The following MYCBPAP variants were observed in gnomAD, a reference collection of about 807,000 sequenced individuals.
The protein encoded by MYCBPAP is MYCBP associated protein.
A neutral mutation model predicts 106.1 loss-of-function variants in MYCBPAP; 60 were observed. The ratio of observed to expected loss-of-function variants is 0.57; its 90% CI spans 0.46 to 0.70. MYCBPAP has a LOEUF of 0.70. Among genes scored for constraint, MYCBPAP ranks in the 30% least tolerant of loss-of-function variants. The pLI is 0.00. For missense variants in MYCBPAP, 1,064 were observed against 1,169.3 expected, an observed-to-expected ratio of 0.91 and a Z score of 1.31; for synonymous variants, 407 against 440.6, an observed-to-expected ratio of 0.92 and a Z score of 0.95.
At chr17:50,528,087 C>G in intron 15 of MYCBPAP, 68 bp from the exon 16 acceptor site, 1 of 1,375,912 alleles carries the variant, frequency 7.3e-7, no homozygotes, top group Non-Finnish European at 1.0e-6. Flanking sequence ...AGGGAGGGAC[C>G]CAAGCCTCTG....
At chr17:50,528,049 C>T in intron 15 of MYCBPAP, 106 bp from the exon 16 acceptor site, 1 of 886,896 alleles carries the variant, frequency 1.1e-6, no homozygotes, top group South Asian at 1.6e-5. Context: ...GGCATTTCCA[C>T]AGCAGCTCGT....
rs774598572 is a variant in MYCBPAP, at chr17:50,516,717, T to G, written c.204+20T>G. 6.2e-7 allele frequency: 1 copy of G among 1,613,130 alleles called. No homozygotes were observed. On this transcript the variant is annotated intron_variant, in intron 2 of 18. Coordinates refer to ENST00000323776, the MANE Select transcript of MYCBPAP (RefSeq NM_032133.6). ...AAGGAGGTGAGGATGAAGCCCAAGC[T>G]TCCCTTACCATAGAAACGTTTCCCT...
intron 16 of MYCBPAP, 39 bp downstream of exon 16, chr17:50,528,309 C>G: frequency 6.8e-7 from 1 of 1,475,680 alleles, no homozygotes; most frequent in Non-Finnish European, 9.4e-7. Flanking sequence ...CTGCATAGCC[C>G]TCCTCATCTC....
chr17:50,527,262 A>G, intron 14 of MYCBPAP, 25 bp from the exon 15 acceptor site: 1 of 1,613,480 alleles, frequency 6.2e-7, no homozygotes. Context: ...GTCCTGGTGC[A>G]GAATGGTGCC....
intron 6 of MYCBPAP, 48 bp downstream of exon 6, chr17:50,519,137 G>A (rs760453220): frequency 1.0e-5 from 13 of 1,252,852 alleles, no homozygotes; most frequent in African/African-American, 1.6e-5. Flanking sequence ...GTCCATGGAG[G>A]AGGGGGCGGG....
chr17:50,510,878 G>T (rs2033821774), intron 1 of MYCBPAP, among the ~76,000 whole-genome samples: 1 of 151,802 alleles, frequency 6.6e-6, no homozygotes, highest in Non-Finnish European at 1.5e-5. Context: ...TTTCACAAGG[G>T]CAGTCAAGGG....
Position 50,531,346 on chromosome 17 carries a change from C to G in MYCBPAP, c.2744C>G (p.Thr915Ser). 6.2e-7 allele frequency: 1 copy of G among 1,613,080 alleles called. No individual in the cohort carries two copies. Among genetic ancestry groups the G allele is most frequent in the Non-Finnish European group, 8.5e-7 (1 of 1,179,684 alleles). Residue 915 changes from threonine (T) to serine (S), a missense_variant, in exon 19 of 19, where the codon ACC (threonine) becomes AGC (serine). Transcript: ENST00000323776. ...TTCCAGGTCCGTGGGCTGCTGGACACCCTGGTGACTGACCTGATGGTCCTG... is the reference window on the plus strand; with the variant it reads ...TTCCAGGTCCGTGGGCTGCTGGACAGCCTGGTGACTGACCTGATGGTCCTG... ...LHSEVRGLLD[T>S]LVTDLMVLAD...
chr17:50,528,219 C>T lies in MYCBPAP; in HGVS notation c.2356C>T (p.Leu786=), dbSNP rs1162037782. The part of the protein sequence containing the change: ...VGHSMWLRSV[L]GLPEKETIYL... Reference sequence around the variant, plus strand: ...CCATTCCATGTGGCTGAGGTCTGTGCTGGGCCTGCCTGAGAAGGAGACCAT... The same window carrying T: ...CCATTCCATGTGGCTGAGGTCTGTGTTGGGCCTGCCTGAGAAGGAGACCAT... The change falls in exon 16 of 19, where the codon CTG becomes TTG. Residue 786 remains leucine, a synonymous_variant. Coordinates refer to ENST00000323776, the MANE Select transcript of MYCBPAP (RefSeq NM_032133.6). 6.2e-7 allele frequency: 1 copy of T among 1,614,124 alleles called. No individual in the cohort carries two copies. The highest frequency in any genetic ancestry group is 1.1e-5 in the South Asian group (1 of 91,054).
In MYCBPAP at chr17:50,508,906, T is replaced by TG. The variant is rs1259231717; in HGVS notation, c.76+162dup. 6 of 767,088 alleles carry TG rather than the reference T, an allele frequency of 7.8e-6. No homozygotes were observed. The East Asian group carries it at 1.1e-4, about 14-fold the overall frequency. The allele number at this position is 767,088 out of a possible 1,614,324, so 47.5% of individuals were successfully genotyped here. On this transcript the variant is annotated intron_variant, in intron 1 of 18. Coordinates refer to ENST00000323776, the MANE Select transcript of MYCBPAP (RefSeq NM_032133.6). ...GTACTGGGCATAGGACCCTTAGGGA[T>TG]GGGGGGCAAGGCAGGAAGAGCCTAC...
intron 6 of MYCBPAP, chr17:50,519,418 G>A: frequency 1.6e-6 from 1 of 616,126 alleles, no homozygotes; most frequent in South Asian, 2.0e-5. Flanking sequence ...GACCAGTGCA[G>A]TACCTGTACC....
Position 50,528,376 on chromosome 17 carries a change from G to T in MYCBPAP, c.2407+106G>T, listed in dbSNP as rs1434915573. 4 of 1,023,000 alleles carry T rather than the reference G, an allele frequency of 3.9e-6. No individual in the cohort carries two copies. In the African/African-American group the frequency reaches 6.4e-5, roughly 16 times the overall value. 63.4% of individuals were successfully genotyped at this position (1,023,000 alleles called of 1,614,324 possible). A position where few individuals can be genotyped will look rare whatever the true frequency, so the allele number is the denominator to read the frequency against. ...GTCATACTCCTTTGGTGGAAGCTCT[G>T]CTAGGTTGAGCCCATGGAGTAGGCC... On this transcript the variant is annotated intron_variant, in intron 16 of 18. Coordinates refer to ENST00000323776, the MANE Select transcript of MYCBPAP (RefSeq NM_032133.6).
At chr17:50,514,914 T>C (rs1315676226) in intron 1 of MYCBPAP, 1 of 454,186 alleles carries the variant, frequency 2.2e-6, no homozygotes, top group Non-Finnish European at 4.4e-6. Context: ...ATCTTGCAAC[T>C]CTTAATCCAT....
At chr17:50,524,735 TGTGAGAGA>T in intron 12 of MYCBPAP, 134 bp from the exon 13 acceptor site, 2 of 238,878 alleles carry the variant, frequency 8.4e-6, no homozygotes, top group Non-Finnish European at 1.4e-5. Context: ...TGTGTGTGTG[TGTGAGAGA>T]GAGAGAGAGA....
At chr17:50,522,694 CA>C (rs1555620749) in intron 10 of MYCBPAP, 1,832 of 36,336 alleles carry the variant, frequency 0.05, 281 homozygotes, top group African/African-American at 0.14. Context: ...AACTCTGTCT[CA>C]AAAAAAAAAA....
Position 50,516,670 on chromosome 17 carries a change from G to A in MYCBPAP, c.177G>A (p.Leu59=). The A allele has an allele frequency of 1.9e-6, 3 of 1,614,020 alleles. No homozygotes were observed. The highest frequency in any genetic ancestry group is 2.5e-6 in the Non-Finnish European group (3 of 1,179,976). The change falls in exon 2 of 19, where the codon TTG becomes TTA. Residue 59 remains leucine (L), a synonymous_variant. Coordinates refer to ENST00000323776, the MANE Select transcript of MYCBPAP (RefSeq NM_032133.6). ...NVLQGDDILA[L]AIKKEDLKEQ... ...TACAAGGAGATGACATTCTTGCCTT[G>A]GCCATTAAGAAGGAAGACTTGAAGG...
intron 11 of MYCBPAP, 84 bp downstream of exon 11, chr17:50,523,212 C>A: frequency 2.9e-6 from 4 of 1,378,998 alleles, no homozygotes; most frequent in Non-Finnish European, 4.0e-6. Context: ...TTAGTTATGG[C>A]CCAGCTCCTG....
intron 6 of MYCBPAP, 49 bp from the exon 7 acceptor site, chr17:50,519,591 T>G: frequency 6.2e-7 from 1 of 1,607,128 alleles, no homozygotes; most frequent in Non-Finnish European, 8.5e-7. Context: ...TCCACCAGCA[T>G]CTGGCTGAGG....
intron 2 of MYCBPAP, 33 bp downstream of exon 2, chr17:50,516,730 G>C (rs1325725125): frequency 6.2e-7 from 1 of 1,612,212 alleles, no homozygotes; most frequent in African/African-American, 1.3e-5. Flanking sequence ...CCTTACCATA[G>C]AAACGTTTCC....
chr17:50,507,934 G>A (rs994009035), upstream of MYCBPAP, among the ~76,000 whole-genome samples: 51 of 152,302 alleles, frequency 3.3e-4, no homozygotes, highest in African/African-American at 1.2e-3. Context: ...AATAATCAGA[G>A]GCAGCATCTC....
Sources: allele counts gnomAD v4.1 joint callset (sites outside exome capture counted in the v4.1 genomes callset), GRCh38; gene constraint gnomAD v4.1.1; transcripts MANE v1.5; gene names NCBI Gene and HGNC (gene_info 2026-07-23, HGNC 2026-07-21).